The following ALPK2 variants were observed in gnomAD, a reference collection of about 807,000 sequenced individuals.
The protein encoded by ALPK2 is alpha kinase 2, also known as alpha-protein kinase 2.
A neutral mutation model predicts 163.1 loss-of-function variants in ALPK2; 127 were observed. The observed-to-expected ratio is 0.78, with a 90% CI of 0.67 to 0.90. ALPK2 has a LOEUF of 0.90. Ranked by LOEUF, ALPK2 falls within the 40% of genes least tolerant of loss-of-function variation. The probability of loss-of-function intolerance (pLI) is 0.00; values close to 1 mark genes in which losing one functional copy is unlikely to be tolerated. For missense variants in ALPK2, 2,360 were observed against 2,589.6 expected (o/e 0.91, Z 1.92); for synonymous variants, 953 against 959.1 (o/e 0.99, Z 0.12).
intron 6 of ALPK2, among the ~76,000 whole-genome samples, chr18:58,527,572 T>C (rs1191929249): frequency 1.3e-5 from 2 of 152,224 alleles, no homozygotes; most frequent in Non-Finnish European, 2.9e-5. Context: ...AATTCTGAGC[T>C]CAGAGCAAGG....
At chr18:58,598,538 A>T (rs992091119) in intron 3 of ALPK2, among the ~76,000 whole-genome samples, 14 of 152,168 alleles carry the variant, frequency 9.2e-5, no homozygotes, top group Non-Finnish European at 2.1e-4. Flanking sequence ...TGAGTGCATG[A>T]GGAGGAGAAA....
chr18:58,544,612 G>C (rs147481108), intron 4 of ALPK2: 4 of 152,202 alleles, frequency 2.6e-5, no homozygotes, highest in African/African-American at 9.7e-5. Flanking sequence ...TAACAACGCT[G>C]CTCCAGGACA....
intron 10 of ALPK2, among the ~76,000 whole-genome samples, chr18:58,511,202 A>G (rs1005376006): frequency 1.3e-5 from 2 of 152,088 alleles, no homozygotes; most frequent in Non-Finnish European, 2.9e-5. Context: ...TGATTTGCAT[A>G]TGTTGAACCA....
In ALPK2 at chr18:58,529,244, A is replaced by G; in HGVS notation, c.5354-6T>C. Reference sequence around the variant, plus strand: ...CTTTTTCAGTAATACTGGAGCTAGAAACAAGATATTTGAAGGTCAGTGTAA... The same window carrying G: ...CTTTTTCAGTAATACTGGAGCTAGAGACAAGATATTTGAAGGTCAGTGTAA... On this transcript the variant is annotated splice_region_variant and splice_polypyrimidine_tract_variant and intron_variant, in intron 5 of 12. Coordinates refer to ENST00000361673, the MANE Select transcript of ALPK2 (RefSeq NM_052947.4). The G allele has an allele frequency of 6.2e-7, 1 of 1,608,756 alleles. No individual in the cohort carries two copies. The highest frequency in any genetic ancestry group is 8.5e-7 in the Non-Finnish European group (1 of 1,177,354).
chr18:58,620,828 CT>C (rs1273053944), intron 1 of ALPK2, among the ~76,000 whole-genome samples: 2 of 152,130 alleles, frequency 1.3e-5, no homozygotes, highest in African/African-American at 2.4e-5. Context: ...AGAATGGAAT[CT>C]TTTTTTCTTG....
intron 10 of ALPK2, among the ~76,000 whole-genome samples, chr18:58,507,786 G>T (rs1194184433): frequency 6.6e-6 from 1 of 152,186 alleles, no homozygotes; most frequent in Non-Finnish European, 1.5e-5. Context: ...AGAGGCCAAA[G>T]TAACTTTGGG....
At chr18:58,573,613 C>CTTTTTTTTTTTTATTTTTTTTTTT (rs2051902554) in intron 4 of ALPK2, among the ~76,000 whole-genome samples, 1 of 51,730 alleles carries the variant, frequency 1.9e-5, no homozygotes, top group Non-Finnish European at 3.2e-5. Context: ...TTTTTGTCTT[C>CTTTTTTTTTTTTATTTTTTTTTTT]TTTTTTTTTT....
At chr18:58,553,834 T>C (rs1335231573) in intron 4 of ALPK2, among the ~76,000 whole-genome samples, 11 of 134,634 alleles carry the variant, frequency 8.2e-5, no homozygotes, top group African/African-American at 2.8e-4. Context: ...CTCGAGCAGT[T>C]GGGGTTTTTT....
chr18:58,497,322 T>G (rs1185645668), intron 12 of ALPK2, among the ~76,000 whole-genome samples: 2 of 151,952 alleles, frequency 1.3e-5, no homozygotes, highest in African/African-American at 2.4e-5. Context: ...AGAGCAGGAG[T>G]GGGCAAAGGC....
chr18:58,625,653 CA>C lies in ALPK2; in HGVS notation c.-21+3110del, dbSNP rs201839737. On this transcript the variant is annotated intron_variant, in intron 1 of 12. Coordinates refer to ENST00000361673, the MANE Select transcript of ALPK2 (RefSeq NM_052947.4). ...AGGTCTTAAACTAGGGGTTGAGGAG[CA>C]AATGAGCGTGTTTAAGAGCAGGGGC... Among the ~76,000 whole-genome samples, 606 of 152,322 alleles carry C rather than the reference CA, an allele frequency of 4.0e-3. 14 individuals are homozygous for C. Among genetic ancestry groups the C allele is most frequent in the Admixed American group, 0.036 (551 of 15,308 alleles).
chr18:58,608,480 C>T (rs1209292753), intron 2 of ALPK2, among the ~76,000 whole-genome samples: 1 of 152,230 alleles, frequency 6.6e-6, no homozygotes, highest in Non-Finnish European at 1.5e-5. Flanking sequence ...AGAGCTTTCT[C>T]ATTAGCCTTC....
intron 2 of ALPK2, 30 bp downstream of exon 2, chr18:58,611,659 A>G (rs769608784): frequency 1.0e-5 from 16 of 1,577,312 alleles, no homozygotes; most frequent in Middle Eastern, 3.3e-4. Flanking sequence ...GAGATTTTAG[A>G]GGGTGATTAG....
chr18:58,522,306 A>C (rs1326778212), intron 8 of ALPK2, among the ~76,000 whole-genome samples: 3 of 152,180 alleles, frequency 2.0e-5, no homozygotes, highest in African/African-American at 7.2e-5. Context: ...GAGTATTTAC[A>C]TCATGGAAAT....
intron 4 of ALPK2, chr18:58,545,322 T>C (rs1350924103): frequency 6.6e-6 from 1 of 151,998 alleles, no homozygotes; most frequent in Non-Finnish European, 1.5e-5. Flanking sequence ...GAGAAAAATA[T>C]ATGGCTGAGG....
chr18:58,514,667 A>G (rs1324421239), intron 10 of ALPK2, among the ~76,000 whole-genome samples: 1 of 152,168 alleles, frequency 6.6e-6, no homozygotes, highest in East Asian at 1.9e-4. Context: ...ACAATGTAAT[A>G]GCTATGAGAG....
At chr18:58,490,771 A>G (rs2144099782) in intron 12 of ALPK2, among the ~76,000 whole-genome samples, 1 of 152,162 alleles carries the variant, frequency 6.6e-6, no homozygotes, top group Non-Finnish European at 1.5e-5. Context: ...CACAGTTTCT[A>G]CTCTCATTGC....
intron 8 of ALPK2, among the ~76,000 whole-genome samples, chr18:58,519,991 T>A (rs112543279): frequency 8.8e-4 from 134 of 152,248 alleles, no homozygotes; most frequent in Non-Finnish European, 1.5e-3. Context: ...GAGGGGAGGC[T>A]TAGGAAAAGC....
intron 3 of ALPK2, among the ~76,000 whole-genome samples, chr18:58,588,386 A>G (rs2051997668): frequency 6.6e-6 from 1 of 152,206 alleles, no homozygotes; most frequent in Non-Finnish European, 1.5e-5. Context: ...CAACACAGTG[A>G]AAAGGGCAAA....
chr18:58,616,589 G>A (rs2052169931), intron 1 of ALPK2, among the ~76,000 whole-genome samples: 1 of 152,162 alleles, frequency 6.6e-6, no homozygotes, highest in African/African-American at 2.4e-5. Flanking sequence ...AGCTTCCAGA[G>A]AGCTGAACAC....
Sources: allele counts gnomAD v4.1 joint callset (sites outside exome capture counted in the v4.1 genomes callset), GRCh38; gene constraint gnomAD v4.1.1; transcripts MANE v1.5; gene names NCBI Gene and HGNC (gene_info 2026-07-23, HGNC 2026-07-21).